ADAMTSL1: variants seen among roughly 807,000 people sequenced by gnomAD.
The protein encoded by ADAMTSL1 is ADAMTS-like protein 1.
ADAMTSL1 carries 126 observed loss-of-function variants against 201.8 expected under a neutral mutation model. That is an observed-to-expected ratio of 0.62 (90% confidence interval 0.54 to 0.72). The LOEUF (loss-of-function observed/expected upper bound fraction) is 0.72, where lower values mean the gene tolerates loss of function less well. ADAMTSL1 is among the 30% of genes least tolerant of loss of function. The pLI is 0.00. For missense variants in ADAMTSL1, 2,679 were observed against 2,277.8 expected (o/e 1.18, Z -3.59); for synonymous variants, 1,121 against 903.4 (o/e 1.24, Z -4.32).
intron 14 of ADAMTSL1, among the ~76,000 whole-genome samples, chr9:18,720,563 C>G (rs1237346250): frequency 6.6e-6 from 1 of 152,168 alleles, no homozygotes; most frequent in Admixed American, 6.5e-5. Flanking sequence ...GTGGGCAGAT[C>G]ACTTGAGGTC....
chr9:18,795,558 A>C, intron 20 of ADAMTSL1, 34 bp downstream of exon 20: 1 of 1,572,868 alleles, frequency 6.4e-7, no homozygotes, highest in South Asian at 1.2e-5. Context: ...TTCATTTCAT[A>C]AACCTTTATT....
At chr9:18,611,409 G>T (rs1209103794) in intron 4 of ADAMTSL1, among the ~76,000 whole-genome samples, 2 of 152,144 alleles carry the variant, frequency 1.3e-5, no homozygotes, top group African/African-American at 4.8e-5. Flanking sequence ...GAATTGTAGT[G>T]TCTGTATGCA....
At position 18,681,700 on chromosome 9, in the gene ADAMTSL1, G is replaced by GGGGT; in HGVS notation, c.1342-109_1342-108insTGGG. 1.3e-5 allele frequency: 9 copies of GGGGT among 673,508 alleles called. 1 individual carries two copies. The highest frequency in any genetic ancestry group is 1.9e-5 in the Non-Finnish European group (9 of 469,508). 41.7% of individuals were successfully genotyped at this position (673,508 alleles called of 1,614,324 possible). On this transcript the variant is annotated intron_variant, in intron 11 of 28. Transcript: ENST00000380548. The stretch of plus-strand genomic sequence containing the variant: ...AAATTTACCAGGAGTCCTCGTGTGG[G>GGGGT]GGGGGGGGGCGGGGAAAAAGAAAAC...
intron 2 of ADAMTSL1, among the ~76,000 whole-genome samples, chr9:18,234,070 T>C (rs966505946): frequency 2.0e-5 from 3 of 152,092 alleles, no homozygotes; most frequent in African/African-American, 4.8e-5. Context: ...AGTGCACACA[T>C]TGGAGAACTA....
At chr9:18,059,982 T>G (rs1443101324) in intron 1 of ADAMTSL1, among the ~76,000 whole-genome samples, 1 of 152,182 alleles carries the variant, frequency 6.6e-6, no homozygotes, top group African/African-American at 2.4e-5. Context: ...AGTCACATAG[T>G]GTAAAATTTA....
chr9:17,954,005 T>C (rs900332351), intron 1 of ADAMTSL1, among the ~76,000 whole-genome samples: 2 of 152,200 alleles, frequency 1.3e-5, no homozygotes, highest in Admixed American at 6.5e-5. Flanking sequence ...CTATTTAATA[T>C]GGCTTCTTCA....
At chr9:18,762,294 G>T (rs1232865554) in intron 16 of ADAMTSL1, among the ~76,000 whole-genome samples, 1 of 152,124 alleles carries the variant, frequency 6.6e-6, no homozygotes, top group Non-Finnish European at 1.5e-5. Context: ...GAGGTGATTT[G>T]TTTGCCAAAA....
intron 26 of ADAMTSL1, among the ~76,000 whole-genome samples, chr9:18,895,657 C>G (rs904417930): frequency 2.0e-5 from 2 of 98,068 alleles, no homozygotes; most frequent in Non-Finnish European, 4.1e-5. Context: ...CCCATACACA[C>G]CACATAAAAG....
chr9:18,902,969 C>G (rs1402847523), intron 26 of ADAMTSL1, among the ~76,000 whole-genome samples: 2 of 152,174 alleles, frequency 1.3e-5, no homozygotes, highest in Non-Finnish European at 2.9e-5. Context: ...CTTTGGGAGT[C>G]TGAAGCAGGC....
At chr9:18,442,664 A>G (rs917001787) in intron 2 of ADAMTSL1, among the ~76,000 whole-genome samples, 2 of 152,222 alleles carry the variant, frequency 1.3e-5, no homozygotes, top group African/African-American at 4.8e-5. Context: ...GGATTTCACA[A>G]TTAGTTGAGT....
In ADAMTSL1 at chr9:18,889,425, A is replaced by G. The variant is rs945409654; in HGVS notation, c.4463-143A>G. 1.2e-5 allele frequency: 10 copies of G among 868,274 alleles called. No homozygotes were observed. The African/African-American group carries it at 1.6e-4, about 14-fold the overall frequency. 53.8% of individuals were successfully genotyped at this position (868,274 alleles called of 1,614,324 possible). On this transcript the variant is annotated intron_variant, in intron 24 of 28. Coordinates refer to ENST00000380548, the MANE Select transcript of ADAMTSL1 (RefSeq NM_001040272.6). ...AGTTCGGGAATGGTTCCCTGCGAGG[A>G]GCAGGGCCTCATTTATAATAGCTCC...
chr9:18,278,588 G>A (rs1012505329), intron 2 of ADAMTSL1, among the ~76,000 whole-genome samples: 12 of 152,138 alleles, frequency 7.9e-5, no homozygotes, highest in East Asian at 1.9e-4. Context: ...AAATTCTCTC[G>A]TTGTCTTTGT....
intron 1 of ADAMTSL1, among the ~76,000 whole-genome samples, chr9:17,951,999 C>G (rs116222144): frequency 2.6e-5 from 4 of 152,014 alleles, no homozygotes; most frequent in African/African-American, 9.7e-5. Flanking sequence ...TTAGGTCTCA[C>G]TGTATTGCCC....
intron 15 of ADAMTSL1, among the ~76,000 whole-genome samples, chr9:18,735,047 G>A (rs773077774): frequency 1.3e-5 from 2 of 152,140 alleles, no homozygotes; most frequent in Non-Finnish European, 2.9e-5. Context: ...CTGTCCCTAT[G>A]GACAACACTG....
chr9:18,412,975 T>G (rs938586188), intron 2 of ADAMTSL1, among the ~76,000 whole-genome samples: 5 of 152,110 alleles, frequency 3.3e-5, no homozygotes, highest in African/African-American at 1.2e-4. Flanking sequence ...TATGTGTGTG[T>G]GTTTTCTATA....
At chr9:18,607,658 T>C (rs1825112963) in intron 4 of ADAMTSL1, among the ~76,000 whole-genome samples, 1 of 152,044 alleles carries the variant, frequency 6.6e-6, no homozygotes, top group African/African-American at 2.4e-5. Flanking sequence ...ACACGTGCCA[T>C]GTTGGTGTGC....
At chr9:18,194,152 G>A (rs1829081522) in intron 2 of ADAMTSL1, among the ~76,000 whole-genome samples, 1 of 152,048 alleles carries the variant, frequency 6.6e-6, no homozygotes, top group African/African-American at 2.4e-5. Context: ...AAAAAGAAGA[G>A]CATTTGTTTG....
At chr9:18,353,300 A>C (rs1452775962) in intron 2 of ADAMTSL1, among the ~76,000 whole-genome samples, 2 of 152,240 alleles carry the variant, frequency 1.3e-5, no homozygotes, top group Non-Finnish European at 2.9e-5. Flanking sequence ...CAGGGTTTTG[A>C]GTATAAACTT....
chr9:18,020,255 T>G (rs998757051), intron 1 of ADAMTSL1, among the ~76,000 whole-genome samples: 3 of 152,074 alleles, frequency 2.0e-5, no homozygotes, highest in African/African-American at 7.2e-5. Flanking sequence ...TCTACTGGCA[T>G]CATTCTCTTT....
Sources: allele counts gnomAD v4.1 joint callset (sites outside exome capture counted in the v4.1 genomes callset), GRCh38; gene constraint gnomAD v4.1.1; transcripts MANE v1.5; gene names NCBI Gene and HGNC (gene_info 2026-07-23, HGNC 2026-07-21).